The following ZNFX1 variants were observed in gnomAD, a reference collection of about 807,000 sequenced individuals.
ZNFX1 encodes the protein NFX1-type zinc finger-containing protein 1.
In ZNFX1, 78 loss-of-function variants were observed where a neutral mutation model predicts 179.8. The ratio of observed to expected loss-of-function variants is 0.43; its 90% confidence interval spans 0.36 to 0.52. The LOEUF is 0.52. ZNFX1 is among the 20% of genes least tolerant of loss of function. The pLI is 0.00. For missense variants in ZNFX1, 1,927 were observed against 2,386.6 expected (o/e 0.81, Z 4.01); for synonymous variants, 848 against 868.5 (o/e 0.98, Z 0.42).
intron 6 of ZNFX1, among the ~76,000 whole-genome samples, chr20:49,261,315 G>A (rs1031429760): frequency 2.6e-4 from 39 of 152,038 alleles, no homozygotes; most frequent in African/African-American, 6.3e-4. Flanking sequence ...ACCTAAATGC[G>A]CATCAATGAA....
Position 49,247,717 on chromosome 20 carries a change from A to G in ZNFX1, c.5307T>C (p.Leu1769=), listed in dbSNP as rs1449151731. 6.2e-7 allele frequency: 1 copy of G among 1,614,156 alleles called. No homozygotes were observed. Among genetic ancestry groups the G allele is most frequent in the Admixed American group, 1.7e-5 (1 of 60,014 alleles). Residue 1769 remains leucine (L), a synonymous_variant, in exon 14 of 14, where the codon CTT becomes CTC. Coordinates refer to ENST00000396105, the MANE Select transcript of ZNFX1 (RefSeq NM_021035.3). The part of the protein sequence containing the change: ...EIQRLTYLVN[L]LTRYKIAEKK... ...TCTCTGCTATCTTGTAGCGGGTCAG[A>G]AGGTTCACCAGGTATGTGAGCCTCT...
At chr20:49,251,506 G>C (rs747837817) in intron 13 of ZNFX1, 21 bp downstream of exon 13, 2 of 1,599,734 alleles carry the variant, frequency 1.3e-6, no homozygotes, top group Admixed American at 3.4e-5. Flanking sequence ...ATCCAAGAAA[G>C]ATCGGGTAAG....
intron 2 of ZNFX1, among the ~76,000 whole-genome samples, chr20:49,275,286 G>C (rs140017814): frequency 6.6e-6 from 1 of 152,066 alleles, no homozygotes; most frequent in African/African-American, 2.4e-5. Flanking sequence ...GAAAAGTGGA[G>C]GGTTGGCTGT....
At chr20:49,266,485 G>A (rs766598654) in intron 3 of ZNFX1, among the ~76,000 whole-genome samples, 1 of 152,166 alleles carries the variant, frequency 6.6e-6, no homozygotes, top group South Asian at 2.1e-4. Flanking sequence ...TAACTTTACA[G>A]AGACAGTATA....
At chr20:49,258,396 T>C (rs1293900823) in intron 7 of ZNFX1, among the ~76,000 whole-genome samples, 1 of 152,142 alleles carries the variant, frequency 6.6e-6, no homozygotes, top group African/African-American at 2.4e-5. Context: ...CCCTATGTGA[T>C]TATTTTTGAG....
chr20:49,248,255 T>A lies in ZNFX1; in HGVS notation c.4769A>T (p.Asp1590Val). 6.2e-7 allele frequency: 1 copy of A among 1,614,106 alleles called. No individual in the cohort carries two copies. Among genetic ancestry groups the A allele is most frequent in the Non-Finnish European group, 8.5e-7 (1 of 1,180,026 alleles). Residue 1590 changes from aspartate to valine, a missense_variant, in exon 14 of 14, where the codon GAC becomes GTC. By Grantham distance (152) the Asp-to-Val change is radical (BLOSUM62 -3). Transcript: ENST00000396105. This position sits in a 1 kb window ranked among gnomAD's most constrained non-coding sequence, Gnocchi z 4.6. ...EPDARFVQLE[D>V]CSHIFEVQAL... ...TTGCACCTCAAAGATGTGGCTGCAG[T>A]CTTCCAGCTGCACAAAGCGGGCATC...
In ZNFX1 at chr20:49,271,091, G is replaced by C. The variant is rs1313551248; in HGVS notation, c.721C>G (p.Pro241Ala). ...GAGATGATGTTGCTTATGTGCTCTGGATACTGGTTTCGGATGTCAGGGATG... is the reference window on the plus strand; with the variant it reads ...GAGATGATGTTGCTTATGTGCTCTGCATACTGGTTTCGGATGTCAGGGATG... ...EPIPDIRNQY[P>A]EHISNIISLL... The change falls in exon 3 of 14, where the codon CCA (proline) becomes GCA (alanine). Residue 241 changes from proline to alanine, a missense_variant. Pro to Ala is a conservative substitution (Grantham distance 27). Transcript: ENST00000396105. 6.2e-7 allele frequency: 1 copy of C among 1,613,978 alleles called. No homozygotes were observed. Among genetic ancestry groups the C allele is most frequent in the Non-Finnish European group, 8.5e-7 (1 of 1,180,022 alleles).
intron 2 of ZNFX1, among the ~76,000 whole-genome samples, chr20:49,272,215 T>C (rs1269811879): frequency 6.6e-6 from 1 of 150,632 alleles, no homozygotes; most frequent in East Asian, 2.0e-4. Flanking sequence ...TCTTGCTCTG[T>C]CTCCCAGGCT....
rs766759072 is a variant in ZNFX1, at chr20:49,257,471, G to A, written c.2610C>T (p.Asp870=). The A allele has an allele frequency of 6.2e-7, 1 of 1,614,040 alleles. No individual in the cohort carries two copies. The highest frequency in any genetic ancestry group is 1.1e-5 in the South Asian group (1 of 91,074). The change falls in exon 8 of 14, where the codon GAC becomes GAT. Residue 870 remains aspartate (D), a synonymous_variant. Transcript: ENST00000396105. ...LAKMLLAMRL[D]HCGTGTAAGQ... ...CAGCTGCTGTCCCAGTGCCACAATG[G>A]TCTAGCCTCATGGCCAGAAGCATTT...
At chr20:49,276,498 T>A (rs1029419775) in intron 1 of ZNFX1, among the ~76,000 whole-genome samples, 2 of 152,376 alleles carry the variant, frequency 1.3e-5, no homozygotes, top group African/African-American at 4.8e-5. Flanking sequence ...CCAGGAGGTT[T>A]GGCAACTACG....
At position 49,248,159 on chromosome 20, in the gene ZNFX1, C is replaced by T; in HGVS notation, c.4865G>A (p.Cys1622Tyr). 1 of 1,614,156 alleles carries T rather than the reference C, an allele frequency of 6.2e-7. No homozygotes were observed. The change falls in exon 14 of 14, where the codon TGC (cysteine) becomes TAC (tyrosine). Residue 1622 changes from cysteine (C) to tyrosine (Y), a missense_variant. Transcript: ENST00000396105. The surrounding 1 kb of genome is among the most constrained non-coding windows in gnomAD (Gnocchi z 4.6). ...VAIRLKVCPI[C>Y]QVPIRKNLRY... ...CAGGTTTTTGCGGATGGGCACCTGGCAGATAGGGCAGACTTTCAATCTGAT... is the reference window on the plus strand; with the variant it reads ...CAGGTTTTTGCGGATGGGCACCTGGTAGATAGGGCAGACTTTCAATCTGAT...
chr20:49,274,206 AACT>A (rs1981495922), intron 2 of ZNFX1, among the ~76,000 whole-genome samples: 1 of 152,224 alleles, frequency 6.6e-6, no homozygotes, highest in African/African-American at 2.4e-5. Flanking sequence ...TGTGAAATGT[AACT>A]ACTTTGAATT....
In ZNFX1 at chr20:49,270,054, A is replaced by T. The variant is rs1399579782; in HGVS notation, c.1758T>A (p.Asp586Glu). ...CTTCTTTTGAGGGCCACTGGCCAGG[A>T]TCTAAGACATTAATTCTGGGATGTC... Reference protein sequence around the residue: ...GLRHPRINVLDPGQWPSKEAL... With the variant: ...GLRHPRINVLEPGQWPSKEAL... The change falls in exon 3 of 14, where the codon GAT (aspartate) becomes GAA (glutamate). Residue 586 changes from aspartate to glutamate, a missense_variant. Coordinates refer to ENST00000396105, the MANE Select transcript of ZNFX1 (RefSeq NM_021035.3). This position sits in a 1 kb window ranked among gnomAD's most constrained non-coding sequence, Gnocchi z 4.6. 3 of 1,614,222 alleles carry T rather than the reference A, an allele frequency of 1.9e-6. No individual in the cohort carries two copies. Among genetic ancestry groups the T allele is most frequent in the Admixed American group, 3.3e-5 (2 of 60,026 alleles).
In ZNFX1 at chr20:49,246,188, T is replaced by C. The variant is rs529145425; in HGVS notation, c.*1079A>G. 1 of 152,344 alleles carries C rather than the reference T, an allele frequency of 6.6e-6. No homozygotes were observed. The highest frequency in any genetic ancestry group is 2.1e-4 in the South Asian group (1 of 4,820). 9.4% of individuals were successfully genotyped at this position (152,344 alleles called of 1,614,324 possible). On this transcript the variant is annotated 3_prime_UTR_variant, in exon 14 of 14. Transcript: ENST00000396105. ...GGATCACACTTGGGATAGGTGCTGCTGGTACCAAATGTGATTTTAGCTCCA... is the reference window on the plus strand; with the variant it reads ...GGATCACACTTGGGATAGGTGCTGCCGGTACCAAATGTGATTTTAGCTCCA...
intron 13 of ZNFX1, 22 bp downstream of exon 13, chr20:49,251,505 A>T: frequency 6.2e-7 from 1 of 1,600,230 alleles, no homozygotes; most frequent in African/African-American, 1.3e-5. Flanking sequence ...CATCCAAGAA[A>T]GATCGGGTAA....
intron 3 of ZNFX1, among the ~76,000 whole-genome samples, chr20:49,266,574 AG>A (rs1457236503): frequency 6.9e-6 from 1 of 145,352 alleles, no homozygotes; most frequent in Non-Finnish European, 1.5e-5. Flanking sequence ...GAATAGTAAC[AG>A]ACAATTTTTA....
chr20:49,271,690 T>C lies in ZNFX1; in HGVS notation c.122A>G (p.Asn41Ser), dbSNP rs143179718. The change falls in exon 3 of 14, where the codon AAT (asparagine) becomes AGT (serine). Residue 41 changes from asparagine to serine, a missense_variant. Transcript: ENST00000396105. Reference sequence around the variant, plus strand: ...GTGGCTGGCTCCTCCTCGGAGAGCATTGGCTGGTGGGTTATTGGCCTGATT... The same window carrying C: ...GTGGCTGGCTCCTCCTCGGAGAGCACTGGCTGGTGGGTTATTGGCCTGATT... ...ARNQANNPPA[N>S]ALRGGASHPG... The C allele has an allele frequency of 1.4e-4, 233 of 1,613,796 alleles. No individual in the cohort carries two copies. Among genetic ancestry groups the C allele is most frequent in the East Asian group, 8.7e-4 (39 of 44,854 alleles).
rs374654504 is a variant in ZNFX1, at chr20:49,271,131, C to T, written c.681G>A (p.Gly227=). Residue 227 remains glycine, a synonymous_variant, in exon 3 of 14, where the codon GGG becomes GGA. Transcript: ENST00000396105. The part of the protein sequence containing the change: ...LKVCLPAYVV[G]MITEPIPDIR... Reference sequence around the variant, plus strand: ...TGTCAGGGATGGGTTCAGTGATCATCCCTACCACATAAGCAGGCAGGCAGA... The same window carrying T: ...TGTCAGGGATGGGTTCAGTGATCATTCCTACCACATAAGCAGGCAGGCAGA... The T allele has an allele frequency of 6.2e-7, 1 of 1,614,134 alleles. No individual in the cohort carries two copies. The highest frequency in any genetic ancestry group is 1.7e-5 in the Admixed American group (1 of 60,010).
In ZNFX1 at chr20:49,270,515, C is replaced by T. The variant is rs1186818659; in HGVS notation, c.1297G>A (p.Asp433Asn). ...CGAACAAACTTCAGTGGTTTTGTGT[C>T]AAACTGCACCTTGTAGACTATGCCT... ...SSGIVYKVQF[D>N]TKPLKFVRWQ... Residue 433 changes from aspartate (D) to asparagine (N), a missense_variant, in exon 3 of 14, where the codon GAC (aspartate) becomes AAC (asparagine). Physicochemically the swap from Asp to Asn is conservative, Grantham distance 23. Transcript: ENST00000396105. This position sits in a 1 kb window ranked among gnomAD's most constrained non-coding sequence, Gnocchi z 4.6. The T allele has an allele frequency of 5.6e-6, 9 of 1,614,218 alleles. No homozygotes were observed. Among genetic ancestry groups the T allele is most frequent in the Non-Finnish European group, 7.6e-6 (9 of 1,180,038 alleles).
Sources: allele counts gnomAD v4.1 joint callset (sites outside exome capture counted in the v4.1 genomes callset), GRCh38; gene constraint gnomAD v4.1.1; non-coding constraint Gnocchi (gnomAD v3.1); transcripts MANE v1.5; gene names NCBI Gene and HGNC (gene_info 2026-07-23, HGNC 2026-07-21).